The following CPSF3 variants were observed in gnomAD, a reference collection of about 807,000 sequenced individuals.
The protein encoded by CPSF3 is cleavage and polyadenylation specificity factor subunit 3.
A neutral mutation model predicts 84.1 loss-of-function variants in CPSF3; 57 were observed. The ratio of observed to expected loss-of-function variants is 0.68; its 90% confidence interval spans 0.55 to 0.85. The LOEUF (loss-of-function observed/expected upper bound fraction) is 0.85, where lower values mean the gene tolerates loss of function less well. CPSF3 is among the 40% of genes least tolerant of loss of function. CPSF3 has a pLI of 0.00. For synonymous variants in CPSF3, 275 were observed against 278.1 expected (o/e 0.99, Z 0.11); for missense variants, 522 against 838.8 (o/e 0.62, Z 4.66).
At chr2:9,446,944 A>C (rs1681147113) in intron 10 of CPSF3, among the ~76,000 whole-genome samples, 1 of 152,138 alleles carries the variant, frequency 6.6e-6, no homozygotes, top group African/African-American at 2.4e-5. Flanking sequence ...GTTTGAGACC[A>C]GCCTAGACAA....
At position 9,452,190 on chromosome 2, in the gene CPSF3, A is replaced by G. The variant is rs141363240; in HGVS notation, c.1396-723A>G. The stretch of plus-strand genomic sequence containing the variant: ...CTAAAAATAGAAAAATTAGCCGGGC[A>G]TGGTGGTAGGTGCCTGTAATCCCAG... On this transcript the variant is annotated intron_variant, in intron 11 of 17. Coordinates refer to ENST00000238112, the MANE Select transcript of CPSF3 (RefSeq NM_016207.4). 6.2e-3 allele frequency among the ~76,000 whole-genome samples: 942 copies of G among 151,910 alleles called. 7 individuals carry two copies. The highest frequency in any genetic ancestry group is 0.021 in the African/African-American group (876 of 41,462).
At chr2:9,471,550 T>G in intron 17 of CPSF3, 111 bp downstream of exon 17, 2 of 689,944 alleles carry the variant, frequency 2.9e-6, no homozygotes, top group Non-Finnish European at 5.3e-6. Context: ...GGCATTTGCT[T>G]CCAGTGTTTC....
intron 11 of CPSF3, 130 bp from the exon 12 acceptor site, chr2:9,452,783 G>C: frequency 1.6e-6 from 1 of 626,902 alleles, no homozygotes; most frequent in Non-Finnish European, 2.8e-6. Flanking sequence ...TATGTTTTTC[G>C]TGGTTAAATC....
At chr2:9,458,605 C>A (rs574368725) in intron 14 of CPSF3, among the ~76,000 whole-genome samples, 12 of 152,128 alleles carry the variant, frequency 7.9e-5, no homozygotes, top group African/African-American at 2.7e-4. Context: ...CCAAGGTGGG[C>A]AGATCACTTG....
chr2:9,432,422 G>A, intron 4 of CPSF3, 89 bp from the exon 5 acceptor site: 1 of 811,112 alleles, frequency 1.2e-6, no homozygotes, highest in Non-Finnish European at 1.8e-6. Flanking sequence ...ATATCTTCAT[G>A]GAGATGTTAT....
intron 16 of CPSF3, among the ~76,000 whole-genome samples, chr2:9,468,619 CTTTTTTTTTTTTTTT>C (rs5829213): frequency 1.8e-5 from 2 of 108,338 alleles, no homozygotes; most frequent in African/African-American, 8.4e-5. Context: ...CTACACTGAC[CTTTTTTTTTTTTTTT>C]TTTTTTTTTT....
At chr2:9,472,041 T>C (rs1453520790) in intron 17 of CPSF3, among the ~76,000 whole-genome samples, 2 of 140,476 alleles carry the variant, frequency 1.4e-5, no homozygotes, top group Non-Finnish European at 3.1e-5. Context: ...AGGCCAGGCG[T>C]GGTGGTTCAC....
At chr2:9,432,467 A>G (rs1334762235) in intron 4 of CPSF3, 44 bp from the exon 5 acceptor site, 1 of 1,378,010 alleles carries the variant, frequency 7.3e-7, no homozygotes, top group Non-Finnish European at 9.6e-7. Context: ...CTTTTTAAAA[A>G]ATCTGACTCT....
intron 12 of CPSF3, among the ~76,000 whole-genome samples, chr2:9,453,960 T>G (rs1414793940): frequency 6.6e-6 from 1 of 152,198 alleles, no homozygotes; most frequent in Non-Finnish European, 1.5e-5. Flanking sequence ...TTTCCCATAG[T>G]TGATACACAT....
chr2:9,466,323 CACAG>C (rs1681948161), intron 15 of CPSF3, among the ~76,000 whole-genome samples: 1 of 89,796 alleles, frequency 1.1e-5, no homozygotes, highest in Non-Finnish European at 2.8e-5. Context: ...GACGCACGCA[CACAG>C]ACGCACGCAC....
chr2:9,426,119 G>A (rs1680382602), intron 1 of CPSF3, among the ~76,000 whole-genome samples: 1 of 152,204 alleles, frequency 6.6e-6, no homozygotes, highest in Admixed American at 6.5e-5. Flanking sequence ...GCCAGGTACT[G>A]TAGCAATACA....
chr2:9,432,784 C>A, intron 5 of CPSF3, 96 bp downstream of exon 5: 1 of 964,720 alleles, frequency 1.0e-6, no homozygotes, highest in Non-Finnish European at 1.4e-6. Context: ...CTAAGACTTG[C>A]AAAGTGTCAG....
chr2:9,455,200 G>T (rs1053788642), intron 12 of CPSF3, among the ~76,000 whole-genome samples: 1 of 150,532 alleles, frequency 6.6e-6, no homozygotes, highest in East Asian at 2.0e-4. Flanking sequence ...GCAGTGGCAC[G>T]ATCTCGGCTC....
At chr2:9,428,867 C>T (rs778246755) in intron 2 of CPSF3, 39 bp downstream of exon 2, 7 of 1,231,528 alleles carry the variant, frequency 5.7e-6, no homozygotes, top group Non-Finnish European at 7.2e-6. Flanking sequence ...TAGTATGGCT[C>T]TGTCTGTATT....
At chr2:9,435,428 C>CTT (rs551125193) in intron 6 of CPSF3, among the ~76,000 whole-genome samples, 3 of 140,898 alleles carry the variant, frequency 2.1e-5, no homozygotes, top group Middle Eastern at 3.7e-3. Flanking sequence ...TTCTAGCATT[C>CTT]TTTTTTTTTT....
chr2:9,437,962 A>G (rs1326713668), intron 7 of CPSF3, among the ~76,000 whole-genome samples: 3 of 152,250 alleles, frequency 2.0e-5, no homozygotes, highest in Admixed American at 6.5e-5. Flanking sequence ...AGATTGTGCC[A>G]CTGCACTCCA....
intron 1 of CPSF3, among the ~76,000 whole-genome samples, chr2:9,425,449 G>A (rs532847131): frequency 6.6e-6 from 1 of 152,036 alleles, no homozygotes; most frequent in African/African-American, 2.4e-5. Context: ...GGATTGAGTA[G>A]AGCAGATTCA....
At chr2:9,467,155 C>G (rs1169686986) in intron 15 of CPSF3, among the ~76,000 whole-genome samples, 2 of 152,178 alleles carry the variant, frequency 1.3e-5, no homozygotes, top group Non-Finnish European at 2.9e-5. Flanking sequence ...ATGCCTGAAA[C>G]TCCAGATTAA....
intron 15 of CPSF3, among the ~76,000 whole-genome samples, chr2:9,466,924 G>A (rs1156658616): frequency 1.3e-5 from 2 of 152,138 alleles, no homozygotes; most frequent in South Asian, 2.1e-4. Context: ...GGATACTTCG[G>A]TTGTTTCTAT....
Sources: allele counts gnomAD v4.1 joint callset (sites outside exome capture counted in the v4.1 genomes callset), GRCh38; gene constraint gnomAD v4.1.1; transcripts MANE v1.5; gene names NCBI Gene and HGNC (gene_info 2026-07-23, HGNC 2026-07-21).